CPA3: variants seen among roughly 807,000 people sequenced by gnomAD.
CPA3 encodes the protein carboxypeptidase A3, also known as mast cell carboxypeptidase A.
CPA3 carries 52 observed loss-of-function variants against 55.8 expected under a neutral mutation model. The ratio of observed to expected loss-of-function variants is 0.93; its 90% confidence interval spans 0.75 to 1.17. CPA3 has a LOEUF of 1.17. Ranked by LOEUF, CPA3 falls within the 50% of genes most tolerant of loss-of-function variation. The pLI is 0.00. For missense variants in CPA3, 547 were observed against 509.1 expected (o/e 1.07, Z -0.72); for synonymous variants, 179 against 171.2 (o/e 1.05, Z -0.36).
chr3:148,890,251 T>C (rs1714634157), intron 10 of CPA3, among the ~76,000 whole-genome samples: 1 of 152,208 alleles, frequency 6.6e-6, no homozygotes, highest in African/African-American at 2.4e-5. Flanking sequence ...AAACAGCATA[T>C]CCAATCCTTC....
At chr3:148,882,654 T>C in intron 8 of CPA3, 59 bp downstream of exon 8, 1 of 1,351,636 alleles carries the variant, frequency 7.4e-7, no homozygotes, top group Non-Finnish European at 1.1e-6. Flanking sequence ...GGTCCCAAAC[T>C]TAACTAAAAC....
chr3:148,870,472 G>A (rs988253878), intron 3 of CPA3, among the ~76,000 whole-genome samples: 5 of 152,066 alleles, frequency 3.3e-5, no homozygotes, highest in East Asian at 1.9e-4. Context: ...TAAAAATCAC[G>A]TACATAAGTG....
intron 3 of CPA3, among the ~76,000 whole-genome samples, chr3:148,876,934 A>G (rs1325890355): frequency 1.3e-5 from 2 of 152,226 alleles, no homozygotes; most frequent in African/African-American, 2.4e-5. Flanking sequence ...CATCTCATAC[A>G]CTGTGAGTAT....
intron 1 of CPA3, 33 bp from the exon 2 acceptor site, chr3:148,865,440 T>C: frequency 3.1e-6 from 5 of 1,613,000 alleles, no homozygotes; most frequent in Non-Finnish European, 4.2e-6. Context: ...TTCCTTACAG[T>C]TCACTTTTTT....
Position 148,896,626 on chromosome 3 carries a change from A to T in CPA3, c.1173A>T (p.Glu391Asp). Residue 391 changes from glutamate (E) to aspartate (D), a missense_variant, in exon 11 of 11, where the codon GAA (glutamate) becomes GAT (aspartate). Transcript: ENST00000296046. ...GCAAATTTGGTTTTCTCCTTCCAGA[A>T]TCCCGGATAAAGCCAACGTGCAGAG... The part of the protein sequence containing the change: ...DKGKFGFLLP[E>D]SRIKPTCRET... 6.3e-7 allele frequency: 1 copy of T among 1,592,568 alleles called. No individual in the cohort carries two copies. The highest frequency in any genetic ancestry group is 1.1e-5 in the South Asian group (1 of 88,922).
At chr3:148,895,976 T>C (rs954496294) in intron 10 of CPA3, among the ~76,000 whole-genome samples, 4 of 152,228 alleles carry the variant, frequency 2.6e-5, no homozygotes, top group African/African-American at 9.6e-5. Context: ...GAACCTTGAG[T>C]TAAATTTCAT....
At chr3:148,887,580 A>C (rs370442731) in intron 10 of CPA3, among the ~76,000 whole-genome samples, 197 of 152,330 alleles carry the variant, frequency 1.3e-3, no homozygotes, top group African/African-American at 4.4e-3. Flanking sequence ...TGAACAGCCA[A>C]AAAATCCATT....
intron 10 of CPA3, among the ~76,000 whole-genome samples, chr3:148,894,382 T>C (rs1714764641): frequency 6.8e-6 from 1 of 147,002 alleles, no homozygotes; most frequent in Non-Finnish European, 1.5e-5. Flanking sequence ...TATAAATCAA[T>C]CAAATGGAAT....
In CPA3 at chr3:148,869,011, G is replaced by T. The variant is rs2270523; in HGVS notation, c.241G>T (p.Ala81Ser). ...GAAGGAATCCCAAGCCATCCAGTCT[G>T]CCTTGGATCAAAATAAAATGCACTA... Reference protein sequence around the residue: ...SEKESQAIQSALDQNKMHYEI... With the variant: ...SEKESQAIQSSLDQNKMHYEI... Residue 81 changes from alanine to serine, a missense_variant, in exon 3 of 11, where the codon GCC becomes TCC. Coordinates refer to ENST00000296046, the MANE Select transcript of CPA3 (RefSeq NM_001870.4). 2.6e-4 allele frequency: 419 copies of T among 1,613,980 alleles called. 8 individuals are homozygous for T. The East Asian group carries it at 9.2e-3, about 35-fold the overall frequency.
chr3:148,866,636 T>A (rs1311713482), intron 2 of CPA3, among the ~76,000 whole-genome samples: 1 of 152,236 alleles, frequency 6.6e-6, no homozygotes, highest in African/African-American at 2.4e-5. Context: ...GGGTCTCAAT[T>A]TCTTCTGCTA....
At chr3:148,873,452 G>A (rs1156857154) in intron 3 of CPA3, among the ~76,000 whole-genome samples, 2 of 152,116 alleles carry the variant, frequency 1.3e-5, no homozygotes, top group Non-Finnish European at 2.9e-5. Flanking sequence ...CCAGTCCTTT[G>A]TTGCTTTCTA....
intron 10 of CPA3, among the ~76,000 whole-genome samples, chr3:148,892,069 C>G (rs143999875): frequency 0.018 from 2,804 of 152,104 alleles, 87 homozygotes; most frequent in African/African-American, 0.064. Context: ...CCTTTGGCTT[C>G]CTTGACTTTG....
intron 6 of CPA3, 34 bp from the exon 7 acceptor site, chr3:148,881,488 T>C (rs762543705): frequency 1.5e-6 from 2 of 1,347,722 alleles, no homozygotes; most frequent in Admixed American, 1.7e-5. Flanking sequence ...CTAAACTTCA[T>C]ACCAATAGCT....
Position 148,896,548 on chromosome 3 carries a change from G to C in CPA3, c.1095G>C (p.Trp365Cys), listed in dbSNP as rs779324115. Residue 365 changes from tryptophan (W) to cysteine (C), a missense_variant, in exon 11 of 11, where the codon TGG (tryptophan) becomes TGC (cysteine). Physicochemically the swap from Trp to Cys is radical, Grantham distance 215. Transcript: ENST00000296046. Reference protein sequence around the residue: ...IYPISGSSLDWAYDLGIKHTF... With the variant: ...IYPISGSSLDCAYDLGIKHTF... ...CGATATCAGGTTCTTCTTTAGACTG[G>C]GCTTATGACCTGGGCATCAAACACA... 6.5e-7 allele frequency: 1 copy of C among 1,538,884 alleles called. No individual in the cohort carries two copies. Among genetic ancestry groups the C allele is most frequent in the South Asian group, 1.2e-5 (1 of 82,046 alleles).
At chr3:148,867,855 C>T (rs1004321507) in intron 2 of CPA3, among the ~76,000 whole-genome samples, 14 of 152,100 alleles carry the variant, frequency 9.2e-5, no homozygotes, top group African/African-American at 3.4e-4. Context: ...TTTGAAGAAC[C>T]ACAAGAACTG....
chr3:148,873,188 G>A (rs886921727), intron 3 of CPA3, among the ~76,000 whole-genome samples: 14 of 152,142 alleles, frequency 9.2e-5, no homozygotes, highest in African/African-American at 3.4e-4. Context: ...TTGATGTGTG[G>A]TAACCAAATT....
chr3:148,887,417 G>A (rs1479883784), intron 10 of CPA3, among the ~76,000 whole-genome samples: 2 of 152,172 alleles, frequency 1.3e-5, no homozygotes, highest in African/African-American at 2.4e-5. Context: ...AACCCTATGA[G>A]GTGGGGAGTA....
At chr3:148,876,320 G>A (rs772907019) in intron 3 of CPA3, among the ~76,000 whole-genome samples, 10 of 151,206 alleles carry the variant, frequency 6.6e-5, no homozygotes, top group South Asian at 2.1e-4. Flanking sequence ...ATAATTTAAT[G>A]TCTATCAAAA....
intron 10 of CPA3, among the ~76,000 whole-genome samples, chr3:148,890,779 C>T (rs914148298): frequency 1.3e-5 from 2 of 152,152 alleles, no homozygotes; most frequent in African/African-American, 4.8e-5. Flanking sequence ...AAGTCACCAA[C>T]GTCACTTTAT....
Sources: gnomAD v4.1 joint callset for allele counts (sites outside exome capture counted in the v4.1 genomes callset) on GRCh38, gnomAD v4.1.1 for gene constraint, MANE v1.5 for transcripts, NCBI Gene and HGNC (gene_info 2026-07-23, HGNC 2026-07-21) for gene names.